CCDC102B: variants seen among roughly 807,000 people sequenced by gnomAD.
CCDC102B encodes coiled-coil domain containing 102B.
CCDC102B carries 75 observed loss-of-function variants against 57.4 expected under a neutral mutation model. That is an observed-to-expected ratio of 1.31 (90% CI 1.08 to 1.58). The LOEUF (loss-of-function observed/expected upper bound fraction) is 1.58. Among genes scored for constraint, CCDC102B ranks in the 40% most tolerant of loss-of-function variants. The probability of loss-of-function intolerance (pLI) is 0.00; values close to 1 mark genes in which losing one functional copy is unlikely to be tolerated. For synonymous variants in CCDC102B, 206 were observed against 201.9 expected (o/e 1.02, Z -0.17); for missense variants, 636 against 582.6 (o/e 1.09, Z -0.94).
intron 5 of CCDC102B, among the ~76,000 whole-genome samples, chr18:68,875,203 T>G (rs1039075068): frequency 2.0e-5 from 3 of 152,256 alleles, no homozygotes; most frequent in Admixed American, 6.5e-5. Flanking sequence ...TAAATTCACT[T>G]TTGTTATAGT....
At chr18:68,971,743 A>G (rs17080001) in intron 6 of CCDC102B, among the ~76,000 whole-genome samples, 3,799 of 152,240 alleles carry the variant, frequency 0.025, 119 homozygotes, top group East Asian at 0.15. Flanking sequence ...TTTCTCTTTT[A>G]TGCCCTCACA....
chr18:68,963,739 T>C (rs1312143575), intron 6 of CCDC102B, among the ~76,000 whole-genome samples: 1 of 151,882 alleles, frequency 6.6e-6, no homozygotes, highest in Non-Finnish European at 1.5e-5. Context: ...TTTTTTTGGC[T>C]GGTGACTAAA....
chr18:68,956,360 A>G (rs375206817), intron 6 of CCDC102B, among the ~76,000 whole-genome samples: 1 of 74,942 alleles, frequency 1.3e-5, no homozygotes, highest in African/African-American at 5.3e-5. Flanking sequence ...TAATATATAT[A>G]ATATATATAT....
At chr18:68,787,593 T>C (rs1163254977) in intron 2 of CCDC102B, among the ~76,000 whole-genome samples, 1 of 151,632 alleles carries the variant, frequency 6.6e-6, no homozygotes, top group Non-Finnish European at 1.5e-5. Context: ...CCATTTCTTC[T>C]AGATTTTCTA....
intron 2 of CCDC102B, among the ~76,000 whole-genome samples, chr18:68,775,034 TTTTTG>T (rs2034764813): frequency 6.6e-6 from 1 of 151,166 alleles, no homozygotes; most frequent in Admixed American, 6.6e-5. Flanking sequence ...TTCTGTTTTT[TTTTTG>T]TTTTGTCTTT....
chr18:69,053,192 G>A (rs1195226503), intron 7 of CCDC102B, among the ~76,000 whole-genome samples: 1 of 151,774 alleles, frequency 6.6e-6, no homozygotes, highest in African/African-American at 2.4e-5. Flanking sequence ...GACCACAGAT[G>A]AAACATTACT....
chr18:68,909,481 C>T (rs1297055979), intron 6 of CCDC102B, among the ~76,000 whole-genome samples: 2 of 152,142 alleles, frequency 1.3e-5, no homozygotes. Context: ...AGTATTTTCA[C>T]ATTTTCATTC....
intron 2 of CCDC102B, among the ~76,000 whole-genome samples, chr18:68,791,160 G>T (rs2035445668): frequency 6.6e-6 from 1 of 152,156 alleles, no homozygotes; most frequent in South Asian, 2.1e-4. Context: ...GTTCTGTCTT[G>T]AAAGAGATTA....
intron 7 of CCDC102B, among the ~76,000 whole-genome samples, chr18:69,040,755 A>T (rs1302336663): frequency 2.6e-5 from 4 of 152,110 alleles, no homozygotes; most frequent in African/African-American, 9.6e-5. Flanking sequence ...GAATGTGACA[A>T]AATTAATCTC....
At chr18:68,803,776 C>T (rs1417870420) in intron 1 of CCDC102B, among the ~76,000 whole-genome samples, 1 of 152,114 alleles carries the variant, frequency 6.6e-6, no homozygotes, top group Non-Finnish European at 1.5e-5. Flanking sequence ...TATTATTTTA[C>T]TTTTAAAAGG....
upstream of CCDC102B, among the ~76,000 whole-genome samples, chr18:68,797,644 C>A (rs904989929): frequency 2.0e-5 from 3 of 151,478 alleles, no homozygotes; most frequent in African/African-American, 4.9e-5. Flanking sequence ...AATATGATTT[C>A]TTTTGCTTTT....
At chr18:68,715,451 G>A (rs2031889633) in intron 1 of CCDC102B, 4 of 169,628 alleles carry the variant, frequency 2.4e-5, no homozygotes, top group Admixed American at 1.9e-4. Flanking sequence ...GGGTTTTGAT[G>A]CTGGATCAAA....
At chr18:68,751,725 C>T (rs373524759) in intron 2 of CCDC102B, among the ~76,000 whole-genome samples, 66 of 151,762 alleles carry the variant, frequency 4.3e-4, no homozygotes, top group African/African-American at 1.4e-3. Context: ...ATATGTAATC[C>T]GCAAATAATG....
intron 6 of CCDC102B, among the ~76,000 whole-genome samples, chr18:68,929,454 A>G (rs1189307113): frequency 1.3e-5 from 2 of 151,928 alleles, no homozygotes; most frequent in Non-Finnish European, 2.9e-5. Flanking sequence ...AGGAAAGACA[A>G]TGGCTTTTAT....
intron 1 of CCDC102B, among the ~76,000 whole-genome samples, chr18:68,825,780 T>A (rs915096778): frequency 6.6e-6 from 1 of 152,200 alleles, no homozygotes; most frequent in Non-Finnish European, 1.5e-5. Context: ...TGCATACCCC[T>A]CAGTGGAAAA....
chr18:68,980,127 G>A (rs1163310230), intron 6 of CCDC102B, among the ~76,000 whole-genome samples: 2 of 151,858 alleles, frequency 1.3e-5, no homozygotes, highest in Non-Finnish European at 2.9e-5. Flanking sequence ...CTTGCTTCCC[G>A]GTTGTATCTA....
At chr18:68,944,923 G>T (rs1289508079) in intron 6 of CCDC102B, among the ~76,000 whole-genome samples, 1 of 151,962 alleles carries the variant, frequency 6.6e-6, no homozygotes, top group Non-Finnish European at 1.5e-5. Context: ...GTCATCAGTT[G>T]TGGGCAATCT....
chr18:68,779,527 T>G (rs1459998134), intron 2 of CCDC102B, among the ~76,000 whole-genome samples: 1 of 148,988 alleles, frequency 6.7e-6, no homozygotes, highest in South Asian at 2.2e-4. Context: ...AATTCAATAA[T>G]GTACATCACA....
chr18:68,989,585 T>C (rs558296285), intron 6 of CCDC102B, among the ~76,000 whole-genome samples: 1 of 152,316 alleles, frequency 6.6e-6, no homozygotes, highest in African/African-American at 2.4e-5. Context: ...CCATCAATTA[T>C]CGGATTCCAT....
Sources: allele counts gnomAD v4.1 joint callset (sites outside exome capture counted in the v4.1 genomes callset), GRCh38; gene constraint gnomAD v4.1.1; transcripts MANE v1.5; gene names NCBI Gene and HGNC (gene_info 2026-07-23, HGNC 2026-07-21).